Variants in NUP214 observed in about 807,000 individuals in gnomAD.
The protein encoded by NUP214 is nucleoporin 214, also known as nuclear pore complex protein Nup214.
Under a neutral mutation model 196.2 loss-of-function variants are expected in NUP214, and 79 were observed. The ratio of observed to expected loss-of-function variants is 0.40; its 90% CI spans 0.34 to 0.49. The LOEUF (loss-of-function observed/expected upper bound fraction) is 0.49, where lower values mean the gene tolerates loss of function less well. NUP214 is among the 20% of genes least tolerant of loss of function. NUP214 has a pLI of 0.58. For missense variants in NUP214, 2,468 were observed against 2,539.0 expected (o/e 0.97, Z 0.60); for synonymous variants, 1,020 against 990.5 (o/e 1.03, Z -0.56).
rs754307945 is a variant in NUP214, at chr9:131,195,574, A to AT, written c.3721+286dup. The stretch of plus-strand genomic sequence containing the variant: ...TTAACATGTGAATTAAAATTTCTCC[A>AT]TTTTTTGTCTGTAATTTAAAATTTC... On this transcript the variant is annotated intron_variant, in intron 28 of 35. Coordinates refer to ENST00000359428, the MANE Select transcript of NUP214 (RefSeq NM_005085.4). The AT allele has an allele frequency of 8.5e-5, 29 of 339,892 alleles. 1 individual carries two copies. In the South Asian group the frequency reaches 9.4e-4, roughly 11 times the overall value. The allele number at this position is 339,892 out of a possible 1,614,324, so 21.1% of individuals were successfully genotyped here.
Position 131,128,322 on chromosome 9 carries a change from G to A in NUP214, c.242-10G>A. ...ACCGTTTTCTGCTTTGTATTTTTTT[G>A]TTTTCATAGTTGATAAAGTCCAAGG... On this transcript the variant is annotated splice_polypyrimidine_tract_variant and intron_variant, in intron 2 of 35. Transcript: ENST00000359428. The A allele has an allele frequency of 2.5e-6, 4 of 1,599,084 alleles. No individual in the cohort carries two copies. The highest frequency in any genetic ancestry group is 3.4e-6 in the Non-Finnish European group (4 of 1,172,448).
intron 26 of NUP214, among the ~76,000 whole-genome samples, chr9:131,189,706 AT>A (rs552228089): frequency 3.7e-4 from 56 of 152,354 alleles, no homozygotes; most frequent in Non-Finnish European, 7.3e-4. Context: ...CACAGTAACC[AT>A]GAGTGTTTTG....
chr9:131,207,021 T>C (rs1834106608), intron 30 of NUP214, among the ~76,000 whole-genome samples: 1 of 152,198 alleles, frequency 6.6e-6, no homozygotes, highest in South Asian at 2.1e-4. Context: ...TGGCACATGA[T>C]AGGCATTGTG....
intron 14 of NUP214, among the ~76,000 whole-genome samples, chr9:131,149,601 C>T (rs1000080294): frequency 9.9e-5 from 15 of 151,970 alleles, no homozygotes; most frequent in Admixed American, 9.8e-4. Flanking sequence ...CACCTCTCAC[C>T]TTGTTAACCT....
chr9:131,206,148 C>CTTTTGTTTTTTTTTTTTTTTT (rs1834076383), intron 30 of NUP214, among the ~76,000 whole-genome samples: 1 of 76,388 alleles, frequency 1.3e-5, no homozygotes, highest in African/African-American at 5.3e-5. Flanking sequence ...TTTCTTTTTT[C>CTTTTGTTTTTTTTTTTTTTTT]TTTTTTTTTT....
At position 131,232,411 on chromosome 9, in the gene NUP214, C is replaced by A; in HGVS notation, c.6239+103C>A. ...TTGTGCATTTTCTTTTCGTTTTTTCCTGTTTTTAGAGTTTGTCCTGGAAGT... is the reference window on the plus strand; with the variant it reads ...TTGTGCATTTTCTTTTCGTTTTTTCATGTTTTTAGAGTTTGTCCTGGAAGT... On this transcript the variant is annotated intron_variant, in intron 35 of 35. Transcript: ENST00000359428. The surrounding 1 kb of genome is among the most constrained non-coding windows in gnomAD (Gnocchi z 5.1). 2 of 1,281,242 alleles carry A rather than the reference C, an allele frequency of 1.6e-6. No individual in the cohort carries two copies. Among genetic ancestry groups the A allele is most frequent in the Non-Finnish European group, 2.3e-6 (2 of 880,470 alleles). The allele number at this position is 1,281,242 out of a possible 1,614,324, so 79.4% of individuals were successfully genotyped here.
rs1833937942 is a variant in NUP214 at position 131,201,529 on chromosome 9, C to A, written c.5522-118C>A. ...GCAGTGAGCCAAGATCCCACCATTG[C>A]ACTCCAGCCTGGTGACAGAGCGAGA... On this transcript the variant is annotated intron_variant, in intron 29 of 35. Coordinates refer to ENST00000359428, the MANE Select transcript of NUP214 (RefSeq NM_005085.4). The A allele has an allele frequency of 4.9e-5, 35 of 715,388 alleles. 1 individual carries two copies. In the South Asian group the frequency reaches 5.0e-4, roughly 10 times the overall value. The allele number at this position is 715,388 out of a possible 1,614,324, so 44.3% of individuals were successfully genotyped here.
intron 2 of NUP214, 88 bp downstream of exon 2, chr9:131,127,807 T>C: frequency 1.1e-6 from 1 of 948,670 alleles, no homozygotes; most frequent in Non-Finnish European, 1.6e-6. Context: ...ATTCTAATAC[T>C]AAAATGAACA....
At position 131,178,324 on chromosome 9, in the gene NUP214, G is replaced by A; in HGVS notation, c.3333G>A (p.Leu1111=). 1 of 1,613,156 alleles carries A rather than the reference G, an allele frequency of 6.2e-7. No homozygotes were observed. Among genetic ancestry groups the A allele is most frequent in the Non-Finnish European group, 8.5e-7 (1 of 1,179,144 alleles). ...MASQAPAVNT[L]TESTLKNVPQ... is the part of the protein sequence containing the mutation. ...TGTTTAAATTAGCTGTAAACACTTT[G>A]ACTGAATCAACGTTGAAGAATGTCC... Residue 1111 remains leucine (L), a synonymous_variant, in exon 24 of 36, where the codon TTG becomes TTA. Transcript: ENST00000359428.
At chr9:131,206,513 C>T (rs546539227) in intron 30 of NUP214, among the ~76,000 whole-genome samples, 3 of 152,076 alleles carry the variant, frequency 2.0e-5, no homozygotes, top group South Asian at 4.2e-4. Flanking sequence ...GGCACAGTCA[C>T]AGGTAACTGC....
intron 5 of NUP214, among the ~76,000 whole-genome samples, chr9:131,131,855 A>G (rs1198864478): frequency 6.6e-6 from 1 of 151,184 alleles, no homozygotes; most frequent in African/African-American, 2.4e-5. Flanking sequence ...TGCACAGCTA[A>G]TTTTTGTATT....
chr9:131,223,731 T>TTTATTTATTTATTTA (rs1834640480), intron 32 of NUP214, among the ~76,000 whole-genome samples: 1 of 5,048 alleles, frequency 2.0e-4, no homozygotes, highest in African/African-American at 2.8e-4. Flanking sequence ...TTATTTATTT[T>TTTATTTATTTATTTA]TTTTTTTTTT....
At chr9:131,170,798 A>G (rs574941974) in intron 21 of NUP214, among the ~76,000 whole-genome samples, 40 of 89,764 alleles carry the variant, frequency 4.5e-4, no homozygotes, top group Middle Eastern at 0.011. Context: ...TGTTATTATT[A>G]TTATCATTAT....
rs771029815 is a variant in NUP214 at position 131,197,695 on chromosome 9, G to T, written c.4201G>T (p.Ala1401Ser). 1 of 1,614,188 alleles carries T rather than the reference G, an allele frequency of 6.2e-7. No homozygotes were observed. The highest frequency in any genetic ancestry group is 1.7e-5 in the Admixed American group (1 of 60,020). The change falls in exon 29 of 36, where the codon GCA becomes TCA. Residue 1401 changes from alanine to serine, a missense_variant. Ala to Ser is a moderately conservative substitution (Grantham distance 99). Around this residue, in one of 5 missense-constraint regions of NUP214, gnomAD observed 1,801 missense variants for 1,779.4 expected, o/e 1.01. Transcript: ENST00000359428. The stretch of plus-strand genomic sequence containing the variant: ...AACCACCACCTCAGTAGCACCACCA[G>T]CAGCCACCAGCACTTCCTCAACTGC... ...SATTTSVAPP[A>S]ATSTSSTAVF...
chr9:131,210,841 G>A (rs1287326974), intron 30 of NUP214, among the ~76,000 whole-genome samples: 1 of 152,142 alleles, frequency 6.6e-6, no homozygotes, highest in Non-Finnish European at 1.5e-5. Flanking sequence ...ATATCAGGCA[G>A]TCCAATATAT....
At chr9:131,229,603 A>C (rs911306189) in intron 33 of NUP214, 1 of 431,706 alleles carries the variant, frequency 2.3e-6, no homozygotes, top group African/African-American at 2.1e-5. Context: ...GTCAGTCCTA[A>C]AAAAGGTTAA....
chr9:131,191,999 A>T, intron 26 of NUP214: 1 of 433,824 alleles, frequency 2.3e-6, no homozygotes, highest in East Asian at 3.6e-5. Context: ...ATTAACATTG[A>T]CAGAGCCACG....
At chr9:131,200,200 G>C (rs529187024) in intron 29 of NUP214, among the ~76,000 whole-genome samples, 1 of 152,210 alleles carries the variant, frequency 6.6e-6, no homozygotes, top group Admixed American at 6.5e-5. Flanking sequence ...GTATCTGTGC[G>C]GAAAGGTATC....
intron 28 of NUP214, chr9:131,195,498 A>G: frequency 2.1e-6 from 1 of 475,358 alleles, no homozygotes; most frequent in South Asian, 3.6e-5. Flanking sequence ...ATTAAGGACA[A>G]GGAAAGGATT....
Sources: allele counts gnomAD v4.1 joint callset (sites outside exome capture counted in the v4.1 genomes callset), GRCh38; gene constraint gnomAD v4.1.1; regional missense constraint gnomAD v4.1.1; non-coding constraint Gnocchi (gnomAD v3.1); transcripts MANE v1.5; gene names NCBI Gene and HGNC (gene_info 2026-07-23, HGNC 2026-07-21).